TENM2: variants seen among roughly 807,000 people sequenced by gnomAD.
The protein encoded by TENM2 is teneurin-2.
TENM2 carries 52 observed loss-of-function variants against 245.2 expected under a neutral mutation model. The ratio of observed to expected loss-of-function variants is 0.21; its 90% CI spans 0.17 to 0.27. TENM2 has a LOEUF of 0.27. TENM2 is among the 10% of genes least tolerant of loss of function. The probability of loss-of-function intolerance (pLI) is 1.00; values close to 1 mark genes in which losing one functional copy is unlikely to be tolerated. For synonymous variants in TENM2, 1,363 were observed against 1,438.9 expected (o/e 0.95, Z 1.19); for missense variants, 3,046 against 3,666.8 (o/e 0.83, Z 4.37).
intron 22 of TENM2, among the ~76,000 whole-genome samples, chr5:168,217,334 TGCAGTAGTA>T (rs1763285567): frequency 1.3e-5 from 2 of 152,236 alleles, no homozygotes; most frequent in South Asian, 4.1e-4. Context: ...CTTTACTTTG[TGCAGTAGTA>T]ACTAGAGCAG....
At chr5:168,165,509 C>T (rs1375829158) in intron 13 of TENM2, among the ~76,000 whole-genome samples, 1 of 152,072 alleles carries the variant, frequency 6.6e-6, no homozygotes, top group African/African-American at 2.4e-5. Context: ...TACCCACCTC[C>T]CTCCCCACCA....
intron 2 of TENM2, among the ~76,000 whole-genome samples, chr5:167,517,582 A>G (rs1234919861): frequency 6.7e-6 from 1 of 150,156 alleles, no homozygotes; most frequent in Non-Finnish European, 1.5e-5. Context: ...GCGTTATCTC[A>G]TCAGTGAGCG....
In TENM2 at chr5:167,312,289, T is replaced by A. The variant is rs1187840539; in HGVS notation, c.226+27226T>A. Among the ~76,000 whole-genome samples the A allele has an allele frequency of 2.0e-5, 3 of 152,244 alleles. No homozygotes were observed. The South Asian group carries it at 6.2e-4, about 32-fold the overall frequency. On this transcript the variant is annotated intron_variant, in intron 1 of 28. Coordinates refer to ENST00000518659, the Ensembl canonical transcript of TENM2. ...TAAAGAGTTTGTGCATACCATCACATGATTTGACAGATGTGATGTGTTTTA... is the reference window on the plus strand; with the variant it reads ...TAAAGAGTTTGTGCATACCATCACAAGATTTGACAGATGTGATGTGTTTTA...
At chr5:167,848,782 G>T (rs1467120689) in intron 2 of TENM2, among the ~76,000 whole-genome samples, 1 of 152,132 alleles carries the variant, frequency 6.6e-6, no homozygotes, top group Non-Finnish European at 1.5e-5. Flanking sequence ...AGAGAGGTTG[G>T]TTTCCTTGAT....
At chr5:167,969,459 C>G (rs1781612361) in intron 4 of TENM2, among the ~76,000 whole-genome samples, 1 of 152,170 alleles carries the variant, frequency 6.6e-6, no homozygotes, top group South Asian at 2.1e-4. Flanking sequence ...ACCTCTTTCT[C>G]TTTATAAATT....
At chr5:168,107,558 G>C (rs574479248) in intron 9 of TENM2, among the ~76,000 whole-genome samples, 4 of 100,896 alleles carry the variant, frequency 4.0e-5, no homozygotes, top group East Asian at 2.1e-4. Flanking sequence ...AGCCTCCTGG[G>C]GGGGGGGTCT....
At chr5:167,293,370 T>A (rs1184558374) in intron 1 of TENM2, among the ~76,000 whole-genome samples, 1 of 90,164 alleles carries the variant, frequency 1.1e-5, no homozygotes, top group Non-Finnish European at 2.0e-5. Context: ...TCCGGCTAAT[T>A]TTTTTTTTTT....
intron 2 of TENM2, among the ~76,000 whole-genome samples, chr5:167,833,043 T>G (rs1318591388): frequency 6.6e-6 from 1 of 152,116 alleles, no homozygotes; most frequent in Non-Finnish European, 1.5e-5. Flanking sequence ...AAAGGGTACA[T>G]GGTACCGTTT....
chr5:168,010,417 G>A (rs1785135284), intron 5 of TENM2, among the ~76,000 whole-genome samples: 1 of 152,164 alleles, frequency 6.6e-6, no homozygotes, highest in Non-Finnish European at 1.5e-5. Context: ...CAGCTTACAC[G>A]GTTCTTGCAA....
chr5:167,553,858 G>A (rs765578391), intron 2 of TENM2, among the ~76,000 whole-genome samples: 5 of 152,192 alleles, frequency 3.3e-5, no homozygotes, highest in Non-Finnish European at 7.3e-5. Flanking sequence ...AAGCAGTATT[G>A]TGATAGAAAG....
At chr5:167,147,260 A>G in the TENM2 span, among the ~76,000 whole-genome samples, 3 of 152,212 alleles carry the variant, frequency 2.0e-5, no homozygotes, top group Non-Finnish European at 4.4e-5. Flanking sequence ...CTGCTCATTA[A>G]GAAATAAATT....
chr5:168,143,016 G>A (rs1755691654), intron 12 of TENM2, among the ~76,000 whole-genome samples: 1 of 152,228 alleles, frequency 6.6e-6, no homozygotes, highest in South Asian at 2.1e-4. Context: ...TCCACTGTAA[G>A]TTAGCTTCAA....
chr5:167,502,151 A>G (rs1270883751), intron 2 of TENM2, among the ~76,000 whole-genome samples: 1 of 152,184 alleles, frequency 6.6e-6, no homozygotes, highest in African/African-American at 2.4e-5. Flanking sequence ...ATATTTACTC[A>G]AGACGGGATA....
intron 2 of TENM2, among the ~76,000 whole-genome samples, chr5:167,864,029 G>A (rs1252321526): frequency 6.6e-6 from 1 of 151,980 alleles, no homozygotes; most frequent in Non-Finnish European, 1.5e-5. Flanking sequence ...CTTTATATTG[G>A]CTACTGGTGG....
At chr5:167,295,008 A>G (rs1754868504) in intron 1 of TENM2, among the ~76,000 whole-genome samples, 1 of 151,962 alleles carries the variant, frequency 6.6e-6, no homozygotes, top group Non-Finnish European at 1.5e-5. Context: ...TATTGTTGTT[A>G]TTATTCTCTT....
intron 9 of TENM2, among the ~76,000 whole-genome samples, chr5:168,110,433 C>T (rs1794591341): frequency 6.6e-6 from 1 of 152,146 alleles, no homozygotes; most frequent in African/African-American, 2.4e-5. Flanking sequence ...ATTCTTATCC[C>T]ACTTCAAAGA....
intron 2 of TENM2, among the ~76,000 whole-genome samples, chr5:167,590,427 A>C (rs1038769103): frequency 6.6e-6 from 1 of 152,072 alleles, no homozygotes; most frequent in Non-Finnish European, 1.5e-5. Context: ...TTAGAAATGC[A>C]TGTATGTATG....
chr5:167,560,375 T>C (rs968615057), intron 2 of TENM2, among the ~76,000 whole-genome samples: 4 of 152,050 alleles, frequency 2.6e-5, no homozygotes, highest in African/African-American at 9.7e-5. Context: ...TATTTTTTTT[T>C]CTTAGATCTG....
the TENM2 span, among the ~76,000 whole-genome samples, chr5:167,272,677 C>A: frequency 1.3e-5 from 2 of 152,078 alleles, no homozygotes; most frequent in African/African-American, 4.8e-5. Context: ...GTGGTCACAT[C>A]CATCCCCACT....
Sources: gnomAD v4.1 joint callset for allele counts (sites outside exome capture counted in the v4.1 genomes callset) on GRCh38, gnomAD v4.1.1 for gene constraint, MANE v1.5 for transcripts, NCBI Gene and HGNC (gene_info 2026-07-23, HGNC 2026-07-21) for gene names.